The following DAB1 variants were observed in gnomAD, a reference collection of about 807,000 sequenced individuals.
DAB1 encodes the protein disabled homolog 1.
A neutral mutation model predicts 64.6 loss-of-function variants in DAB1; 15 were observed. The observed-to-expected ratio is 0.23, with a 90% CI of 0.16 to 0.36. The LOEUF is 0.36. Ranked by LOEUF, DAB1 falls within the 10% of genes least tolerant of loss-of-function variation. The probability of loss-of-function intolerance (pLI) is 1.00; values close to 1 mark genes in which losing one functional copy is unlikely to be tolerated. For missense variants in DAB1, 596 were observed against 706.7 expected, an observed-to-expected ratio of 0.84 and a Z score of 1.78; for synonymous variants, 235 against 251.9, an observed-to-expected ratio of 0.93 and a Z score of 0.64.
At chr1:58,420,873 C>T (rs1644765069) in intron 3 of DAB1, among the ~76,000 whole-genome samples, 1 of 152,192 alleles carries the variant, frequency 6.6e-6, no homozygotes, top group Non-Finnish European at 1.5e-5. Context: ...CTGCTCTCCT[C>T]TGCAGTGATT....
intron 4 of DAB1, among the ~76,000 whole-genome samples, chr1:58,184,590 C>T (rs1656974349): frequency 6.6e-6 from 1 of 152,086 alleles, no homozygotes; most frequent in Non-Finnish European, 1.5e-5. Flanking sequence ...GCAGTAGAAT[C>T]AGCTAAAATA....
chr1:58,172,858 T>G (rs1394930242), intron 4 of DAB1, among the ~76,000 whole-genome samples: 2 of 152,264 alleles, frequency 1.3e-5, no homozygotes, highest in Non-Finnish European at 2.9e-5. Context: ...TATATACAGA[T>G]AGCAAGTATG....
chr1:57,293,394 A>T (rs889098722), intron 1 of DAB1, among the ~76,000 whole-genome samples: 1 of 152,140 alleles, frequency 6.6e-6, no homozygotes, highest in Non-Finnish European at 1.5e-5. Flanking sequence ...AAGTTACTCA[A>T]CCTTGTCTTT....
At chr1:57,210,088 A>G (rs1665885357) in intron 2 of DAB1, among the ~76,000 whole-genome samples, 1 of 152,220 alleles carries the variant, frequency 6.6e-6, no homozygotes, top group Non-Finnish European at 1.5e-5. Context: ...TAGGATTATT[A>G]TGACAATTAA....
intron 2 of DAB1, among the ~76,000 whole-genome samples, chr1:57,157,161 C>T (rs1184235236): frequency 6.6e-6 from 1 of 152,156 alleles, no homozygotes; most frequent in Non-Finnish European, 1.5e-5. Flanking sequence ...ATTATCTTAT[C>T]TCTCCCACTC....
intron 9 of DAB1, among the ~76,000 whole-genome samples, chr1:57,039,384 A>G (rs1332975924): frequency 6.6e-6 from 1 of 152,204 alleles, no homozygotes; most frequent in Non-Finnish European, 1.5e-5. Context: ...AAAAATAGTC[A>G]TGGAATTATT....
At chr1:57,370,233 C>T (rs1355219848) in intron 1 of DAB1, among the ~76,000 whole-genome samples, 7 of 152,166 alleles carry the variant, frequency 4.6e-5, no homozygotes, top group African/African-American at 9.7e-5. Flanking sequence ...CAACACAGAA[C>T]AGCAGCTCAG....
intron 1 of DAB1, among the ~76,000 whole-genome samples, chr1:57,379,320 T>A (rs1409152513): frequency 6.6e-6 from 1 of 152,184 alleles, no homozygotes; most frequent in African/African-American, 2.4e-5. Context: ...TAAGAGAGTT[T>A]AATAAACTTA....
At chr1:57,601,614 A>G (rs1645576776) in intron 7 of DAB1, among the ~76,000 whole-genome samples, 1 of 152,166 alleles carries the variant, frequency 6.6e-6, no homozygotes, top group Non-Finnish European at 1.5e-5. Flanking sequence ...TTAGTTAAAA[A>G]AATGAAAAAT....
At chr1:57,984,804 C>T (rs1646172211) in intron 5 of DAB1, among the ~76,000 whole-genome samples, 3 of 152,132 alleles carry the variant, frequency 2.0e-5, no homozygotes, top group African/African-American at 7.2e-5. Flanking sequence ...TGCAGTCGTC[C>T]AACTTGGAGA....
intron 3 of DAB1, among the ~76,000 whole-genome samples, chr1:58,447,574 A>AT (rs1185596970): frequency 1.3e-5 from 2 of 152,180 alleles, no homozygotes; most frequent in African/African-American, 4.8e-5. Flanking sequence ...GAGCTTATAG[A>AT]TTAGTGAGGG....
intron 6 of DAB1, among the ~76,000 whole-genome samples, chr1:57,739,747 C>T (rs1647889513): frequency 6.6e-6 from 1 of 151,354 alleles, no homozygotes; most frequent in South Asian, 2.1e-4. Context: ...GCCACCACAC[C>T]CACCTACTTA....
At chr1:57,263,580 G>A (rs1449873328) in intron 2 of DAB1, among the ~76,000 whole-genome samples, 5 of 152,202 alleles carry the variant, frequency 3.3e-5, no homozygotes, top group Non-Finnish European at 7.3e-5. Flanking sequence ...AGTAGTAGCA[G>A]TGGTAGCAGC....
chr1:57,101,503 C>T (rs1654679675), intron 4 of DAB1, among the ~76,000 whole-genome samples: 1 of 152,216 alleles, frequency 6.6e-6, no homozygotes, highest in South Asian at 2.1e-4. Context: ...CGATAGCTAT[C>T]TGAACCAAAT....
intron 4 of DAB1, among the ~76,000 whole-genome samples, chr1:58,330,973 A>G (rs1001523740): frequency 1.3e-5 from 2 of 152,212 alleles, no homozygotes; most frequent in Admixed American, 6.5e-5. Flanking sequence ...AAGTCTTATT[A>G]TTTAAGAAAT....
At chr1:57,248,067 G>T (rs1453143765) in intron 2 of DAB1, among the ~76,000 whole-genome samples, 1 of 152,128 alleles carries the variant, frequency 6.6e-6, no homozygotes, top group Non-Finnish European at 1.5e-5. Flanking sequence ...AAAACAAGAG[G>T]ATGCTCAAGT....
At chr1:57,995,796 A>T (rs2100388758) in intron 5 of DAB1, among the ~76,000 whole-genome samples, 1 of 152,036 alleles carries the variant, frequency 6.6e-6, no homozygotes, top group South Asian at 2.1e-4. Context: ...GGGTCTTTAA[A>T]TTGCTATTGA....
At chr1:58,297,204 A>G (rs189990521) in intron 4 of DAB1, among the ~76,000 whole-genome samples, 14 of 152,296 alleles carry the variant, frequency 9.2e-5, no homozygotes, top group Admixed American at 9.2e-4. Context: ...AAATAGGGTT[A>G]ATAATGTCTA....
intron 3 of DAB1, among the ~76,000 whole-genome samples, chr1:58,499,509 A>ATAGATAAATAG (rs776144705): frequency 4.7e-5 from 2 of 42,902 alleles, no homozygotes; most frequent in African/African-American, 1.8e-4. Flanking sequence ...TAGATAGATA[A>ATAGATAAATAG]ATAGATAGAT....
Sources: allele counts gnomAD v4.1 joint callset (sites outside exome capture counted in the v4.1 genomes callset), GRCh38; gene constraint gnomAD v4.1.1; transcripts MANE v1.5; gene names NCBI Gene and HGNC (gene_info 2026-07-23, HGNC 2026-07-21).